The following RIMS2 variants were observed in gnomAD, a reference collection of about 807,000 sequenced individuals.
The protein encoded by RIMS2 is regulating synaptic membrane exocytosis 2, also known as regulating synaptic membrane exocytosis protein 2.
RIMS2 carries 59 observed loss-of-function variants against 174.4 expected under a neutral mutation model. That is an observed-to-expected ratio of 0.34 (90% confidence interval 0.27 to 0.42). The LOEUF (loss-of-function observed/expected upper bound fraction) is 0.42. Among genes scored for constraint, RIMS2 ranks in the 10% least tolerant of loss-of-function variants. The pLI is 1.00. For missense variants in RIMS2, 1,620 were observed against 1,666.3 expected, an observed-to-expected ratio of 0.97 and a Z score of 0.48; for synonymous variants, 606 against 572.5, an observed-to-expected ratio of 1.06 and a Z score of -0.84.
At chr8:103,598,121 T>C (rs1236384782) in intron 1 of RIMS2, among the ~76,000 whole-genome samples, 1 of 152,144 alleles carries the variant, frequency 6.6e-6, no homozygotes, top group African/African-American at 2.4e-5. Flanking sequence ...TGTGATCAAG[T>C]TTAGAAACAT....
intron 13 of RIMS2, among the ~76,000 whole-genome samples, chr8:103,940,154 G>A (rs898575926): frequency 1.3e-5 from 2 of 152,008 alleles, no homozygotes; most frequent in Admixed American, 6.6e-5. Context: ...TCGTTTTCAT[G>A]CTGCTGATAA....
chr8:103,902,571 G>C (rs1427060857), intron 4 of RIMS2, among the ~76,000 whole-genome samples: 1 of 152,042 alleles, frequency 6.6e-6, no homozygotes, highest in Admixed American at 6.6e-5. Flanking sequence ...ACCTTTTTTA[G>C]TTGGACTTTG....
chr8:104,042,086 A>T (rs896838128), intron 19 of RIMS2, among the ~76,000 whole-genome samples: 1 of 151,348 alleles, frequency 6.6e-6, no homozygotes, highest in Admixed American at 6.6e-5. Flanking sequence ...TTATATATAT[A>T]TAAAATATGT....
At chr8:103,571,836 A>G (rs1237338136) in intron 1 of RIMS2, among the ~76,000 whole-genome samples, 2 of 152,188 alleles carry the variant, frequency 1.3e-5, no homozygotes, top group Non-Finnish European at 2.9e-5. Flanking sequence ...TTTGCTTCAA[A>G]AATTTTCTTC....
intron 12 of RIMS2, among the ~76,000 whole-genome samples, chr8:103,935,452 C>T (rs2081032638): frequency 6.6e-6 from 1 of 152,204 alleles, no homozygotes; most frequent in African/African-American, 2.4e-5. Context: ...CTATATTAAA[C>T]TTAAAATTCC....
intron 17 of RIMS2, among the ~76,000 whole-genome samples, chr8:103,994,950 G>A (rs1402248865): frequency 6.6e-6 from 1 of 151,774 alleles, no homozygotes; most frequent in African/African-American, 2.4e-5. Context: ...ATAAATTTTA[G>A]CAAGCTTTGA....
At position 103,636,151 on chromosome 8, in the gene RIMS2, G is replaced by T. The variant is rs76070723; in HGVS notation, c.177-60935G>T. Among the ~76,000 whole-genome samples the T allele has an allele frequency of 2.0e-3, 300 of 152,268 alleles. 2 individuals carry two copies. The highest frequency in any genetic ancestry group is 6.7e-3 in the African/African-American group (278 of 41,562). On this transcript the variant is annotated intron_variant, in intron 1 of 23. Coordinates refer to ENST00000504942, the Ensembl canonical transcript of RIMS2. The stretch of plus-strand genomic sequence containing the variant: ...CTGCCTGGGAGCTCCTTCTTAGGTA[G>T]GTGCAATGCTGCTACTGGTAGCTGG...
intron 2 of RIMS2, among the ~76,000 whole-genome samples, chr8:103,725,860 G>A (rs963228072): frequency 6.6e-6 from 1 of 152,140 alleles, no homozygotes; most frequent in Non-Finnish European, 1.5e-5. Context: ...AACCTCACCA[G>A]CATTTGGTTG....
At chr8:103,935,477 G>A (rs756476058) in intron 12 of RIMS2, among the ~76,000 whole-genome samples, 2 of 152,146 alleles carry the variant, frequency 1.3e-5, no homozygotes, top group Non-Finnish European at 2.9e-5. Context: ...AGAAGAAGTT[G>A]CATTACTTCC....
intron 19 of RIMS2, among the ~76,000 whole-genome samples, chr8:104,187,377 A>T (rs1005081828): frequency 6.6e-6 from 1 of 151,892 alleles, no homozygotes; most frequent in African/African-American, 2.4e-5. Flanking sequence ...ATAAATCTCA[A>T]GCAACATAGT....
intron 19 of RIMS2, among the ~76,000 whole-genome samples, chr8:104,124,475 G>C (rs954627047): frequency 2.6e-5 from 4 of 151,896 alleles, no homozygotes; most frequent in African/African-American, 9.7e-5. Flanking sequence ...CCTCTACCAG[G>C]GTTCTCAAAT....
At chr8:103,621,158 A>C (rs959401868) in intron 1 of RIMS2, among the ~76,000 whole-genome samples, 1 of 152,208 alleles carries the variant, frequency 6.6e-6, no homozygotes, top group Non-Finnish European at 1.5e-5. Flanking sequence ...GCCATAAAGA[A>C]ATAGCACTTG....
rs567791243 is a variant in RIMS2, at chr8:104,067,967, C to G, written c.3334+53352C>G. Among the ~76,000 whole-genome samples the G allele has an allele frequency of 3.3e-5, 5 of 152,232 alleles. No homozygotes were observed. In the South Asian group the frequency reaches 1.0e-3, roughly 32 times the overall value. ...GCTATCAGCAGTATTATTACAAGAA[C>G]CTCTTTGTTGATCCTAGTTCTAGAA... On this transcript the variant is annotated intron_variant, in intron 19 of 23. Coordinates refer to ENST00000504942, the Ensembl canonical transcript of RIMS2.
chr8:103,753,300 G>A (rs1239063228), intron 2 of RIMS2, among the ~76,000 whole-genome samples: 1 of 152,156 alleles, frequency 6.6e-6, no homozygotes, highest in Non-Finnish European at 1.5e-5. Context: ...TGATCATGGT[G>A]GATAAGCTTT....
In RIMS2 at chr8:104,176,024, T is replaced by C. The variant is rs78486842; in HGVS notation, c.3335-68892T>C. 5.9e-3 allele frequency among the ~76,000 whole-genome samples: 899 copies of C among 152,218 alleles called. 7 individuals carry two copies. Among genetic ancestry groups the C allele is most frequent in the African/African-American group, 0.02 (832 of 41,544 alleles). The stretch of plus-strand genomic sequence containing the variant: ...AACTTCTCAGGATGGCACATTCATA[T>C]TCTCATTCTCTCTCTCTGTGTTTCT... On this transcript the variant is annotated intron_variant, in intron 19 of 23. Coordinates refer to ENST00000504942, the Ensembl canonical transcript of RIMS2.
intron 3 of RIMS2, among the ~76,000 whole-genome samples, chr8:103,812,264 A>G (rs141052699): frequency 1.9e-4 from 28 of 149,048 alleles, no homozygotes; most frequent in African/African-American, 4.7e-4. Flanking sequence ...CCTTTCTTCC[A>G]TTCCTGAATG....
intron 2 of RIMS2, among the ~76,000 whole-genome samples, chr8:103,740,846 CT>C (rs549250620): frequency 6.6e-6 from 1 of 151,954 alleles, no homozygotes; most frequent in Non-Finnish European, 1.5e-5. Context: ...CATGAACAAA[CT>C]TTTTTTAACA....
At chr8:103,771,249 A>G (rs1166849347) in intron 3 of RIMS2, among the ~76,000 whole-genome samples, 4 of 152,166 alleles carry the variant, frequency 2.6e-5, no homozygotes, top group Non-Finnish European at 4.4e-5. Context: ...AGTTTCAAGT[A>G]TGTTTTTATT....
intron 19 of RIMS2, among the ~76,000 whole-genome samples, chr8:104,086,540 G>A (rs996385008): frequency 6.6e-6 from 1 of 152,018 alleles, no homozygotes; most frequent in Non-Finnish European, 1.5e-5. Context: ...AAGCCTTAGG[G>A]AAGGTCATAA....
Sources: allele counts gnomAD v4.1 joint callset (sites outside exome capture counted in the v4.1 genomes callset), GRCh38; gene constraint gnomAD v4.1.1; transcripts MANE v1.5; gene names NCBI Gene and HGNC (gene_info 2026-07-23, HGNC 2026-07-21).